Variants in LAMC1 observed in about 807,000 individuals in gnomAD.
The protein encoded by LAMC1 is laminin subunit gamma-1.
A neutral mutation model predicts 173.6 loss-of-function variants in LAMC1; 38 were observed. That is an observed-to-expected ratio of 0.22 (90% CI 0.17 to 0.29). The LOEUF (loss-of-function observed/expected upper bound fraction) is 0.29, where lower values mean the gene tolerates loss of function less well. LAMC1 is among the 10% of genes least tolerant of loss of function. LAMC1 has a pLI of 1.00. For missense variants in LAMC1, 1,824 were observed against 2,051.8 expected (o/e 0.89, Z 2.14); for synonymous variants, 746 against 749.1 (o/e 1.00, Z 0.07).
At chr1:183,090,764 C>T (rs140545793) in intron 1 of LAMC1, among the ~76,000 whole-genome samples, 5 of 152,180 alleles carry the variant, frequency 3.3e-5, no homozygotes, top group African/African-American at 1.2e-4. Context: ...CTTGAGTAAT[C>T]AGTTTCCCCC....
At chr1:183,085,899 C>T (rs1558043314) in intron 1 of LAMC1, among the ~76,000 whole-genome samples, 2 of 152,144 alleles carry the variant, frequency 1.3e-5, no homozygotes, top group Middle Eastern at 3.4e-3. Context: ...TTCTCATATA[C>T]CTTTTATTTT....
intron 1 of LAMC1, among the ~76,000 whole-genome samples, chr1:183,040,542 G>A (rs1364441955): frequency 2.0e-5 from 3 of 152,086 alleles, no homozygotes; most frequent in Non-Finnish European, 4.4e-5. Flanking sequence ...TTAAATCTTC[G>A]TAAAATAGAA....
intron 22 of LAMC1, among the ~76,000 whole-genome samples, chr1:183,133,980 A>AT (rs1168738523): frequency 5.9e-5 from 9 of 152,356 alleles, no homozygotes; most frequent in African/African-American, 1.4e-4. Flanking sequence ...ACATGTAGAC[A>AT]TTTACTCCCA....
chr1:183,134,376 A>G (rs900238090), intron 22 of LAMC1, among the ~76,000 whole-genome samples: 12 of 152,206 alleles, frequency 7.9e-5, no homozygotes, highest in African/African-American at 2.9e-4. Context: ...TCGGGTGGAA[A>G]GGGAGAAAAG....
chr1:183,111,845 GC>G (rs1310217360), intron 4 of LAMC1, among the ~76,000 whole-genome samples: 1 of 152,100 alleles, frequency 6.6e-6, no homozygotes, highest in Non-Finnish European at 1.5e-5. Context: ...GACCAGCCTG[GC>G]CAACATGGTG....
chr1:183,129,380 G>T (rs921602160), intron 18 of LAMC1, among the ~76,000 whole-genome samples: 1 of 151,996 alleles, frequency 6.6e-6, no homozygotes, highest in East Asian at 1.9e-4. Flanking sequence ...GAGCCACTGC[G>T]CCCAGCCAAA....
chr1:183,135,086 C>T lies in LAMC1; in HGVS notation c.4044C>T (p.Leu1348=), dbSNP rs143646349. ...CCCGAGCTGATGCTGCCAAGGCCCT[C>T]GCTGAAGAAGCTGCAAAGAAGGGAC... is the stretch of plus-strand genomic sequence containing the variant. ...LLARADAAKA[L]AEEAAKKGRD... is the part of the protein sequence containing the mutation. The change falls in exon 24 of 28, where the codon CTC becomes CTT. Residue 1348 remains leucine (L), a synonymous_variant. Coordinates refer to ENST00000258341, the MANE Select transcript of LAMC1 (RefSeq NM_002293.4). The T allele has an allele frequency of 5.6e-5, 90 of 1,614,092 alleles. No individual in the cohort carries two copies. Among genetic ancestry groups the T allele is most frequent in the South Asian group, 7.7e-5 (7 of 91,078 alleles).
In LAMC1 at chr1:183,122,201, T is replaced by C; in HGVS notation, c.2351T>C (p.Val784Ala). The C allele has an allele frequency of 6.2e-7, 1 of 1,614,204 alleles. No homozygotes were observed. The change falls in exon 13 of 28, where the codon GTT becomes GCT. Residue 784 changes from valine (V) to alanine (A), a missense_variant. By Grantham distance (64) the Val-to-Ala change is moderately conservative. Coordinates refer to ENST00000258341, the MANE Select transcript of LAMC1 (RefSeq NM_002293.4). ...CCTGGAGGTTCAAGTTGTGCTGTTG[T>C]TCCCAAGACAAAGGAGGTGGTGTGC... The part of the protein sequence containing the change: ...PCPGGSSCAV[V>A]PKTKEVVCTN...
intron 1 of LAMC1, among the ~76,000 whole-genome samples, chr1:183,089,575 GA>G (rs895765897): frequency 1.3e-5 from 2 of 152,144 alleles, no homozygotes; most frequent in Non-Finnish European, 2.9e-5. Flanking sequence ...TCCAATTAAA[GA>G]TAAATTTAAA....
intron 1 of LAMC1, among the ~76,000 whole-genome samples, chr1:183,082,776 A>T (rs1241572154): frequency 4.6e-5 from 7 of 152,148 alleles, no homozygotes; most frequent in Non-Finnish European, 8.8e-5. Flanking sequence ...GTTTATTAGG[A>T]TTAGTGTCAA....
At chr1:183,059,101 T>G (rs769529237) in intron 1 of LAMC1, among the ~76,000 whole-genome samples, 2 of 152,242 alleles carry the variant, frequency 1.3e-5, no homozygotes, top group Non-Finnish European at 2.9e-5. Flanking sequence ...GTGTGTATTT[T>G]CTTAGACTCA....
Position 183,103,557 on chromosome 1 carries a change from T to A in LAMC1, c.648T>A (p.Thr216=), listed in dbSNP as rs1655891356. ...AATTCAGTGACATTTCTCCCCTCAC[T>A]GGGGGCAACGTGGCCTTTTCTACCC... The part of the protein sequence containing the change: ...TDEFSDISPL[T]GGNVAFSTLE... The change falls in exon 2 of 28, where the codon ACT becomes ACA. Residue 216 remains threonine (T), a synonymous_variant. Transcript: ENST00000258341. 1 of 1,613,168 alleles carries A rather than the reference T, an allele frequency of 6.2e-7. No individual in the cohort carries two copies. Among genetic ancestry groups the A allele is most frequent in the African/African-American group, 1.3e-5 (1 of 75,024 alleles).
intron 1 of LAMC1, among the ~76,000 whole-genome samples, chr1:183,042,739 A>G (rs1387751216): frequency 1.3e-5 from 2 of 152,174 alleles, no homozygotes; most frequent in African/African-American, 2.4e-5. Context: ...CTCTTAGTGC[A>G]CAGCCTTCAC....
At chr1:183,043,362 T>TA (rs1558030774) in intron 1 of LAMC1, among the ~76,000 whole-genome samples, 1 of 152,212 alleles carries the variant, frequency 6.6e-6, no homozygotes, top group East Asian at 1.9e-4. Context: ...TCCTGCTGTT[T>TA]AGGGCTTTTT....
intron 1 of LAMC1, among the ~76,000 whole-genome samples, chr1:183,064,638 AG>A (rs1424952348): frequency 6.6e-6 from 1 of 152,216 alleles, no homozygotes; most frequent in Non-Finnish European, 1.5e-5. Context: ...AAGTTTGTAA[AG>A]CAAAAATTGT....
chr1:183,115,099 G>A lies in LAMC1; in HGVS notation c.1210+380G>A, dbSNP rs374297008. Reference sequence around the variant, plus strand: ...AAATATTCTTAGCATGTTTGCGTGTGTACAGAGATGCACAGCATTCTTAGT... The same window carrying A: ...AAATATTCTTAGCATGTTTGCGTGTATACAGAGATGCACAGCATTCTTAGT... On this transcript the variant is annotated intron_variant, in intron 5 of 27. Transcript: ENST00000258341. 3.9e-5 allele frequency among the ~76,000 whole-genome samples: 6 copies of A among 152,296 alleles called. No homozygotes were observed. In the East Asian group the frequency reaches 9.7e-4, roughly 25 times the overall value.
intron 2 of LAMC1, among the ~76,000 whole-genome samples, chr1:183,105,161 G>A (rs1323426347): frequency 2.1e-5 from 3 of 141,886 alleles, no homozygotes; most frequent in Non-Finnish European, 4.5e-5. Context: ...GGAGGTGGAG[G>A]TTGCAGTGAG....
At chr1:183,048,763 T>C (rs573306781) in intron 1 of LAMC1, among the ~76,000 whole-genome samples, 27 of 152,322 alleles carry the variant, frequency 1.8e-4, no homozygotes, top group African/African-American at 5.8e-4. Context: ...TGAGTGTCTG[T>C]TGGGCTTGAA....
At chr1:183,080,739 G>A (rs1010635690) in intron 1 of LAMC1, among the ~76,000 whole-genome samples, 12 of 150,734 alleles carry the variant, frequency 8.0e-5, no homozygotes, top group Admixed American at 6.6e-4. Flanking sequence ...AGAAACTTAC[G>A]TTGTTAGACT....
Sources: allele counts gnomAD v4.1 joint callset (sites outside exome capture counted in the v4.1 genomes callset), GRCh38; gene constraint gnomAD v4.1.1; transcripts MANE v1.5; gene names NCBI Gene and HGNC (gene_info 2026-07-23, HGNC 2026-07-21).